The following POC1B variants were observed in gnomAD, a reference collection of about 807,000 sequenced individuals.
POC1B encodes the protein POC1 centriolar protein homolog B.
A neutral mutation model predicts 60.6 loss-of-function variants in POC1B; 44 were observed. The observed-to-expected ratio is 0.73, with a 90% CI of 0.57 to 0.93. The LOEUF (loss-of-function observed/expected upper bound fraction) is 0.93, where lower values mean the gene tolerates loss of function less well. Ranked by LOEUF, POC1B falls within the 40% of genes least tolerant of loss-of-function variation. The pLI, the probability that POC1B is intolerant of heterozygous loss-of-function variation, is 0.00. For synonymous variants in POC1B, 180 were observed against 198.9 expected, an observed-to-expected ratio of 0.90 and a Z score of 0.80; for missense variants, 555 against 572.3, an observed-to-expected ratio of 0.97 and a Z score of 0.31.
chr12:89,411,260 G>GA, the POC1B span, among the ~76,000 whole-genome samples: 1 of 152,042 alleles, frequency 6.6e-6, no homozygotes, highest in Non-Finnish European at 1.5e-5. Flanking sequence ...CACAGAATTA[G>GA]AAAAAACTAT....
intron 11 of POC1B, among the ~76,000 whole-genome samples, chr12:89,424,370 T>C (rs947553920): frequency 1.3e-5 from 2 of 152,234 alleles, no homozygotes; most frequent in African/African-American, 2.4e-5. Context: ...CAGTCAGGGT[T>C]GAGAACCAGT....
At chr12:89,496,675 C>A (rs2135742527) in intron 3 of POC1B, among the ~76,000 whole-genome samples, 1 of 152,260 alleles carries the variant, frequency 6.6e-6, no homozygotes, top group South Asian at 2.1e-4. Flanking sequence ...TGACCTTACA[C>A]AAATTCAACG....
chr12:89,492,672 C>A (rs1473324539), intron 3 of POC1B, among the ~76,000 whole-genome samples: 2 of 152,178 alleles, frequency 1.3e-5, no homozygotes, highest in Non-Finnish European at 2.9e-5. Flanking sequence ...CATACACCTG[C>A]ACCTCATCCT....
intron 8 of POC1B, 146 bp from the exon 9 acceptor site, chr12:89,467,068 C>A: frequency 1.7e-6 from 1 of 573,308 alleles, no homozygotes; most frequent in Non-Finnish European, 2.8e-6. Context: ...TTCTCAATAT[C>A]TTTTTTTAAG....
chr12:89,459,180 G>A (rs184232165), intron 10 of POC1B, among the ~76,000 whole-genome samples: 1 of 151,888 alleles, frequency 6.6e-6, no homozygotes. Flanking sequence ...GAGACAGTGG[G>A]TATGGATTAG....
In POC1B at chr12:89,466,827, A is replaced by G; in HGVS notation, c.975T>C (p.Leu325=). ...KRLHFDSPPH[L]LDIYPRTPHP... ...GTGGTGTTCTTGGGTAGATATCAAG[A>G]AGATGTGGTGGTGAATCAAAATGTA... The change falls in exon 9 of 12, where the codon CTT becomes CTC. Residue 325 remains leucine (L), a synonymous_variant. Coordinates refer to ENST00000313546, the MANE Select transcript of POC1B (RefSeq NM_172240.3). The G allele has an allele frequency of 6.2e-7, 1 of 1,613,240 alleles. No individual in the cohort carries two copies. The highest frequency in any genetic ancestry group is 8.5e-7 in the Non-Finnish European group (1 of 1,179,410).
chr12:89,442,043 G>A (rs1881547260), intron 10 of POC1B, among the ~76,000 whole-genome samples: 1 of 152,156 alleles, frequency 6.6e-6, no homozygotes, highest in African/African-American at 2.4e-5. Flanking sequence ...AATGAAGCGA[G>A]AAGTTTAGAG....
chr12:89,434,382 T>C (rs1881163846), intron 10 of POC1B, among the ~76,000 whole-genome samples: 1 of 152,266 alleles, frequency 6.6e-6, no homozygotes, highest in East Asian at 1.9e-4. Flanking sequence ...ACAAGTCTAC[T>C]GTCTGTCTTT....
At chr12:89,476,577 G>A in intron 4 of POC1B, among the ~76,000 whole-genome samples, 1 of 151,988 alleles carries the variant, frequency 6.6e-6, no homozygotes, top group East Asian at 1.9e-4. Flanking sequence ...GCCTGGTGGT[G>A]CATGCCTGTA....
chr12:89,454,795 A>T (rs977761262), intron 10 of POC1B, among the ~76,000 whole-genome samples: 1 of 152,050 alleles, frequency 6.6e-6, no homozygotes, highest in African/African-American at 2.4e-5. Context: ...CCTCTCTCTG[A>T]CTGGAATGTA....
At chr12:89,488,358 G>A (rs1261494816) in intron 4 of POC1B, among the ~76,000 whole-genome samples, 1 of 152,130 alleles carries the variant, frequency 6.6e-6, no homozygotes, top group Non-Finnish European at 1.5e-5. Flanking sequence ...ATGGTCTGCC[G>A]ATTCCCTCTG....
At position 89,514,402 on chromosome 12, in the gene POC1B, C is replaced by CTTT. The variant is rs60679774; in HGVS notation, c.100+10715_100+10717dup. Among the ~76,000 whole-genome samples, 20 of 67,092 alleles carry CTTT rather than the reference C, an allele frequency of 3.0e-4. 1 individual carries two copies. Among genetic ancestry groups the CTTT allele is most frequent in the South Asian group, 1.4e-3 (2 of 1,438 alleles). 44.0% of individuals were successfully genotyped at this position (67,092 alleles called of 152,430 possible). A position where few individuals can be genotyped will look rare whatever the true frequency, so the allele number is the denominator to read the frequency against. On this transcript the variant is annotated intron_variant, in intron 2 of 11. Coordinates refer to ENST00000313546, the MANE Select transcript of POC1B (RefSeq NM_172240.3). The stretch of plus-strand genomic sequence containing the variant: ...ATAAGTTACTCAGTTTCATGTATTT[C>CTTT]TTTTTTTTTTTTTTTTTTTTTTTTT...
intron 4 of POC1B, among the ~76,000 whole-genome samples, chr12:89,476,697 A>AATAGATAGATAGATAGATAGATAGATAG (rs754459068): frequency 2.1e-5 from 3 of 139,986 alleles, no homozygotes; most frequent in East Asian, 2.1e-4. Flanking sequence ...AGACTGTCTC[A>AATAGATAGATAGATAGATAGATAGATAG]ATAGATAGAT....
intron 7 of POC1B, among the ~76,000 whole-genome samples, chr12:89,468,008 C>T (rs963773511): frequency 6.6e-6 from 1 of 152,162 alleles, no homozygotes; most frequent in Non-Finnish European, 1.5e-5. Context: ...GCTTTGGACT[C>T]TGTATTCAAC....
intron 7 of POC1B, among the ~76,000 whole-genome samples, chr12:89,469,201 A>G (rs1321655470): frequency 1.3e-5 from 2 of 152,176 alleles, no homozygotes; most frequent in Non-Finnish European, 2.9e-5. Context: ...CAGAGGTTAC[A>G]GTGAGCCGAG....
chr12:89,525,746 G>A (rs1170269558), intron 1 of POC1B, 135 bp downstream of exon 1: 4 of 1,315,522 alleles, frequency 3.0e-6, no homozygotes, highest in Admixed American at 3.4e-5. Context: ...GACGCCCCGG[G>A]ACGAGGGGCT....
chr12:89,442,766 A>G (rs1881584625), intron 10 of POC1B, among the ~76,000 whole-genome samples: 1 of 152,236 alleles, frequency 6.6e-6, no homozygotes, highest in Non-Finnish European at 1.5e-5. Context: ...TTAACCTTCA[A>G]TGTAAATGGG....
In POC1B at chr12:89,425,294, T is replaced by A. The variant is rs767339093; in HGVS notation, c.1199A>T (p.Glu400Val). 1 of 1,614,032 alleles carries A rather than the reference T, an allele frequency of 6.2e-7. No homozygotes were observed. Among genetic ancestry groups the A allele is most frequent in the Non-Finnish European group, 8.5e-7 (1 of 1,180,024 alleles). The change falls in exon 11 of 12, where the codon GAA becomes GTA. Residue 400 changes from glutamate (E) to valine (V), a missense_variant. By Grantham distance (121) the Glu-to-Val change is moderately radical (BLOSUM62 -2). Transcript: ENST00000313546. Reference protein sequence around the residue: ...YFLNPSLMSPECLPTTTKKKT... With the variant: ...YFLNPSLMSPVCLPTTTKKKT... ...CTTTTTCGTGGTTGTTGGCAAACAT[T>A]CTGGTGACATTAAGGAAGGGTTCAA... is the stretch of plus-strand genomic sequence containing the variant.
intron 2 of POC1B, among the ~76,000 whole-genome samples, chr12:89,504,685 G>T (rs922469906): frequency 6.6e-6 from 1 of 151,856 alleles, no homozygotes; most frequent in East Asian, 1.9e-4. Flanking sequence ...CAAAAATTAA[G>T]AAGTTTTGTT....
Sources: gnomAD v4.1 joint callset for allele counts (sites outside exome capture counted in the v4.1 genomes callset) on GRCh38, gnomAD v4.1.1 for gene constraint, MANE v1.5 for transcripts, NCBI Gene and HGNC (gene_info 2026-07-23, HGNC 2026-07-21) for gene names.